Variants in RIT2 observed in about 807,000 individuals in gnomAD.
RIT2 encodes the protein GTP-binding protein Rit2.
In RIT2, 24 loss-of-function variants were observed where a neutral mutation model predicts 23.7. The ratio of observed to expected loss-of-function variants is 1.01; its 90% CI spans 0.73 to 1.43. The LOEUF (loss-of-function observed/expected upper bound fraction) is 1.43, where lower values mean the gene tolerates loss of function less well. Ranked by LOEUF, RIT2 falls within the 40% of genes most tolerant of loss-of-function variation. The pLI is 0.00. For synonymous variants in RIT2, 107 were observed against 91.1 expected, an observed-to-expected ratio of 1.17 and a Z score of -0.99; for missense variants, 236 against 266.9, an observed-to-expected ratio of 0.88 and a Z score of 0.81.
chr18:43,111,898 G>T (rs1010833997), intron 1 of RIT2, among the ~76,000 whole-genome samples: 1 of 151,914 alleles, frequency 6.6e-6, no homozygotes, highest in African/African-American at 2.4e-5. Context: ...GCCTCAGTTT[G>T]GCCATTGTCC....
At position 42,843,600 on chromosome 18, in the gene RIT2, C is replaced by T. The variant is rs636886; in HGVS notation, c.426+79972G>A. ...TCTCTCCAGAACTCCGGATTCAAAG[C>T]ATAAGTCTGTTCATTTATCATTTTA... is the stretch of plus-strand genomic sequence containing the variant. On this transcript the variant is annotated intron_variant, in intron 4 of 4. Coordinates refer to ENST00000326695, the MANE Select transcript of RIT2 (RefSeq NM_002930.4). 1.6e-3 allele frequency among the ~76,000 whole-genome samples: 250 copies of T among 152,276 alleles called. 2 individuals carry two copies. The highest frequency in any genetic ancestry group is 5.6e-3 in the African/African-American group (231 of 41,554).
At chr18:42,872,757 G>A (rs965645207) in intron 4 of RIT2, among the ~76,000 whole-genome samples, 4 of 151,934 alleles carry the variant, frequency 2.6e-5, no homozygotes, top group Non-Finnish European at 4.4e-5. Flanking sequence ...TGTGGGCTAC[G>A]GCAAAATTTC....
At chr18:43,001,515 G>T (rs1188556111) in intron 2 of RIT2, among the ~76,000 whole-genome samples, 2 of 151,936 alleles carry the variant, frequency 1.3e-5, no homozygotes, top group African/African-American at 2.4e-5. Flanking sequence ...GGTAAAAACA[G>T]TTCAAACATA....
chr18:43,021,648 G>A (rs990817479), intron 2 of RIT2, among the ~76,000 whole-genome samples: 11 of 151,980 alleles, frequency 7.2e-5, no homozygotes, highest in Non-Finnish European at 1.3e-4. Flanking sequence ...TTAAATGTGT[G>A]TAGCACCTCC....
chr18:42,800,516 TTC>T (rs1905501969), intron 4 of RIT2, among the ~76,000 whole-genome samples: 1 of 124,930 alleles, frequency 8.0e-6, no homozygotes, highest in East Asian at 2.5e-4. Flanking sequence ...AGCAGTTACA[TTC>T]TTTTTTTTTT....
At chr18:43,003,699 C>T (rs961331877) in intron 2 of RIT2, among the ~76,000 whole-genome samples, 1 of 150,864 alleles carries the variant, frequency 6.6e-6, no homozygotes, top group Non-Finnish European at 1.5e-5. Context: ...AAACTTTTGT[C>T]TTTCTGATGC....
chr18:42,840,398 G>C (rs1274477072), intron 4 of RIT2, among the ~76,000 whole-genome samples: 1 of 152,136 alleles, frequency 6.6e-6, no homozygotes, highest in Non-Finnish European at 1.5e-5. Flanking sequence ...TATATGCCAA[G>C]AACTTACTAT....
At chr18:42,941,357 C>A (rs1293348379) in intron 3 of RIT2, among the ~76,000 whole-genome samples, 4 of 151,882 alleles carry the variant, frequency 2.6e-5, no homozygotes, top group Non-Finnish European at 5.9e-5. Context: ...CCGCCCCCCA[C>A]CCCTCTCCAA....
intron 2 of RIT2, among the ~76,000 whole-genome samples, chr18:43,000,860 T>C (rs1911088017): frequency 6.6e-6 from 1 of 152,002 alleles, no homozygotes; most frequent in Non-Finnish European, 1.5e-5. Flanking sequence ...TATTTCTTTA[T>C]AGCAGTGTGA....
chr18:42,899,631 T>C (rs1277912567), intron 4 of RIT2, among the ~76,000 whole-genome samples: 1 of 152,140 alleles, frequency 6.6e-6, no homozygotes, highest in Admixed American at 6.5e-5. Flanking sequence ...AATGCAAACC[T>C]GAGGTGCATT....
intron 2 of RIT2, among the ~76,000 whole-genome samples, chr18:42,986,688 G>C (rs1251513328): frequency 6.6e-6 from 1 of 151,626 alleles, no homozygotes; most frequent in African/African-American, 2.4e-5. Flanking sequence ...TTTTAGTTGA[G>C]ACGAGGTTTC....
Position 42,887,652 on chromosome 18 carries a change from G to A in RIT2, c.426+35920C>T, listed in dbSNP as rs561961425. Among the ~76,000 whole-genome samples, 4 of 152,256 alleles carry A rather than the reference G, an allele frequency of 2.6e-5. No homozygotes were observed. In the East Asian group the frequency reaches 7.7e-4, roughly 29 times the overall value. On this transcript the variant is annotated intron_variant, in intron 4 of 4. Coordinates refer to ENST00000326695, the MANE Select transcript of RIT2 (RefSeq NM_002930.4). ...TCTTGTCATGCAACCCAGCAATCAA[G>A]CTTGTTGGTATTTACTCAGATGAAT...
At chr18:43,073,317 T>TC (rs1201052556) in intron 1 of RIT2, among the ~76,000 whole-genome samples, 31 of 152,230 alleles carry the variant, frequency 2.0e-4, no homozygotes, top group African/African-American at 7.2e-4. Flanking sequence ...AAGGGTGCTA[T>TC]CATATGCTGG....
At chr18:42,923,433 C>T in intron 4 of RIT2, 139 bp downstream of exon 4, 1 of 760,940 alleles carries the variant, frequency 1.3e-6, no homozygotes, top group Non-Finnish European at 2.2e-6. Flanking sequence ...TACCATGGGA[C>T]CACCATGACT....
intron 4 of RIT2, among the ~76,000 whole-genome samples, chr18:42,830,013 T>C (rs965851295): frequency 3.3e-5 from 5 of 152,170 alleles, no homozygotes; most frequent in African/African-American, 1.2e-4. Flanking sequence ...ATGAGATACA[T>C]AGATGAGGAA....
intron 4 of RIT2, among the ~76,000 whole-genome samples, chr18:42,825,198 A>G (rs1906261731): frequency 1.3e-5 from 2 of 152,052 alleles, no homozygotes; most frequent in South Asian, 2.1e-4. Context: ...AAGACAAAAT[A>G]AATATTAGTA....
intron 4 of RIT2, among the ~76,000 whole-genome samples, chr18:42,798,528 C>A (rs1384599223): frequency 6.6e-6 from 1 of 152,076 alleles, no homozygotes; most frequent in Non-Finnish European, 1.5e-5. Context: ...TAAAGTATTA[C>A]AAAAACAAAT....
At chr18:42,880,830 A>T (rs1907872844) in intron 4 of RIT2, among the ~76,000 whole-genome samples, 1 of 114,266 alleles carries the variant, frequency 8.8e-6, no homozygotes, top group Non-Finnish European at 1.9e-5. Flanking sequence ...TTTTTGAGAC[A>T]GAATTTTGCT....
At chr18:42,886,441 A>G (rs1034825071) in intron 4 of RIT2, among the ~76,000 whole-genome samples, 1 of 152,236 alleles carries the variant, frequency 6.6e-6, no homozygotes, top group Admixed American at 6.5e-5. Flanking sequence ...GATTGTATGA[A>G]CTAATAACTC....
Sources: gnomAD v4.1 joint callset for allele counts (sites outside exome capture counted in the v4.1 genomes callset) on GRCh38, gnomAD v4.1.1 for gene constraint, MANE v1.5 for transcripts, NCBI Gene and HGNC (gene_info 2026-07-23, HGNC 2026-07-21) for gene names.